Variants in COPG2 observed in about 807,000 individuals in gnomAD.
The protein encoded by COPG2 is coatomer subunit gamma-2.
A neutral mutation model predicts 46.3 loss-of-function variants in COPG2; 37 were observed. That is an observed-to-expected ratio of 0.80 (90% confidence interval 0.61 to 1.05). The LOEUF (loss-of-function observed/expected upper bound fraction) is 1.05, where lower values mean the gene tolerates loss of function less well. Ranked by LOEUF, COPG2 falls within the 50% of genes least tolerant of loss-of-function variation. The pLI, the probability that COPG2 is intolerant of heterozygous loss-of-function variation, is 0.00. For missense variants in COPG2, 427 were observed against 387.8 expected, an observed-to-expected ratio of 1.10 and a Z score of -0.85; for synonymous variants, 159 against 129.7, an observed-to-expected ratio of 1.23 and a Z score of -1.53.
intron 12 of COPG2, among the ~76,000 whole-genome samples, chr7:130,560,499 T>C (rs1793701446): frequency 1.3e-5 from 2 of 152,126 alleles, no homozygotes; most frequent in East Asian, 3.8e-4. Flanking sequence ...CTAAATTTCA[T>C]AGGAAATGCA....
At chr7:130,645,448 C>CT (rs1795577579) in intron 5 of COPG2, 3 of 368,862 alleles carry the variant, frequency 8.1e-6, no homozygotes, top group Non-Finnish European at 1.6e-5. Flanking sequence ...AAGATGATGT[C>CT]TTTCTCCAAC....
chr7:130,544,486 T>C (rs1793395612), intron 20 of COPG2, among the ~76,000 whole-genome samples: 1 of 152,168 alleles, frequency 6.6e-6, no homozygotes, highest in Admixed American at 6.5e-5. Context: ...TTAAAGACTG[T>C]TTTAAAATAA....
chr7:130,605,770 C>T, intron 9 of COPG2: 1 of 519,932 alleles, frequency 1.9e-6, no homozygotes, highest in Admixed American at 1.9e-5. Flanking sequence ...CAACAGCACT[C>T]CACCAACATC....
At chr7:130,528,407 G>A (rs1186989276) in intron 20 of COPG2, among the ~76,000 whole-genome samples, 1 of 152,116 alleles carries the variant, frequency 6.6e-6, no homozygotes, top group East Asian at 1.9e-4. Context: ...CCACTGGGAT[G>A]TGGACACTGA....
At chr7:130,633,674 G>A (rs782088715) in intron 5 of COPG2, among the ~76,000 whole-genome samples, 2 of 152,152 alleles carry the variant, frequency 1.3e-5, no homozygotes, top group Admixed American at 6.6e-5. Flanking sequence ...TAGGTTGCCT[G>A]TTCACTCTGA....
chr7:130,642,016 A>C (rs1554457382), intron 5 of COPG2, among the ~76,000 whole-genome samples: 1 of 152,190 alleles, frequency 6.6e-6, no homozygotes, highest in African/African-American at 2.4e-5. Flanking sequence ...AGTACTTCCT[A>C]ATGTGAGTGA....
chr7:130,523,044 C>T (rs1799737718), intron 20 of COPG2, among the ~76,000 whole-genome samples: 1 of 134,168 alleles, frequency 7.5e-6, no homozygotes, highest in East Asian at 2.4e-4. Flanking sequence ...GCTTGAAGTC[C>T]AGAGGTGAGG....
intron 9 of COPG2, chr7:130,610,621 C>T: frequency 1.9e-6 from 1 of 537,182 alleles, no homozygotes; most frequent in Non-Finnish European, 3.6e-6. Context: ...TCAACATTCT[C>T]TTTTATAAAA....
intron 5 of COPG2, among the ~76,000 whole-genome samples, chr7:130,639,951 C>T (rs1309084677): frequency 6.6e-6 from 1 of 151,858 alleles, no homozygotes; most frequent in East Asian, 1.9e-4. Flanking sequence ...GTGGCTTTTC[C>T]CCCACTCTTC....
chr7:130,595,271 A>C (rs1373593700), intron 9 of COPG2, among the ~76,000 whole-genome samples: 1 of 152,198 alleles, frequency 6.6e-6, no homozygotes, highest in Non-Finnish European at 1.5e-5. Flanking sequence ...AAGGCCACAT[A>C]TTGTGTGATT....
chr7:130,563,671 G>A (rs896829403), intron 10 of COPG2, among the ~76,000 whole-genome samples: 4 of 148,760 alleles, frequency 2.7e-5, no homozygotes, highest in Admixed American at 6.7e-5. Context: ...GAAGCATGGC[G>A]TGAACCCAGG....
chr7:130,515,842 A>ACAGGGAGAG lies in COPG2; in HGVS notation c.2150-7192_2150-7184dup, dbSNP rs1472012697. On this transcript the variant is annotated intron_variant, in intron 20 of 23. Coordinates refer to ENST00000425248, the MANE Select transcript of COPG2 (RefSeq NM_012133.6). ...GCATGACAGGATGAGGAATACTGGG[A>ACAGGGAGAG]CAGGGAGAGTAGCAACTCTGGTAGA... Among the ~76,000 whole-genome samples the ACAGGGAGAG allele has an allele frequency of 1.7e-3, 257 of 152,208 alleles. 2 individuals are homozygous for ACAGGGAGAG. Among genetic ancestry groups the ACAGGGAGAG allele is most frequent in the African/African-American group, 5.8e-3 (239 of 41,526 alleles).
chr7:130,533,845 T>A (rs1461893139), intron 20 of COPG2, among the ~76,000 whole-genome samples: 1 of 151,502 alleles, frequency 6.6e-6, no homozygotes, highest in Non-Finnish European at 1.5e-5. Context: ...GGATGGCTGG[T>A]GAAAGGGTCC....
chr7:130,532,485 AC>A (rs1414156546), intron 20 of COPG2, among the ~76,000 whole-genome samples: 4 of 151,828 alleles, frequency 2.6e-5, no homozygotes, highest in African/African-American at 9.7e-5. Flanking sequence ...TGACAGGAGC[AC>A]CCAGGTGGAG....
intron 9 of COPG2, among the ~76,000 whole-genome samples, chr7:130,600,830 C>T (rs148794667): frequency 6.6e-4 from 100 of 152,254 alleles, no homozygotes; most frequent in African/African-American, 2.4e-3. Flanking sequence ...TTCTAGCCAG[C>T]CTCCAAGATG....
At position 130,547,519 on chromosome 7, in the gene COPG2, T is replaced by C. The variant is rs1793463699; in HGVS notation, c.2149+155A>G. 11 of 396,292 alleles carry C rather than the reference T, an allele frequency of 2.8e-5. No homozygotes were observed. In the South Asian group the frequency reaches 1.1e-3, roughly 41 times the overall value. The allele number at this position is 396,292 out of a possible 1,614,324, so 24.5% of individuals were successfully genotyped here. A position where few individuals can be genotyped will look rare whatever the true frequency, so the allele number is the denominator to read the frequency against. Reference sequence around the variant, plus strand: ...GCAGCAGTAAACCATTTTATAAATATATATATTCACACACACACAAACACA... The same window carrying C: ...GCAGCAGTAAACCATTTTATAAATACATATATTCACACACACACAAACACA... On this transcript the variant is annotated intron_variant, in intron 20 of 23. Coordinates refer to ENST00000425248, the MANE Select transcript of COPG2 (RefSeq NM_012133.6).
chr7:130,591,974 G>A (rs1554449059), intron 9 of COPG2, among the ~76,000 whole-genome samples: 1 of 152,230 alleles, frequency 6.6e-6, no homozygotes, highest in Non-Finnish European at 1.5e-5. Context: ...GAAAGGCGGG[G>A]AAAAGATTGA....
At chr7:130,543,125 A>G (rs2116374200) in intron 20 of COPG2, among the ~76,000 whole-genome samples, 1 of 152,366 alleles carries the variant, frequency 6.6e-6, no homozygotes, top group East Asian at 1.9e-4. Context: ...GAAGGTCAGG[A>G]TTTTGAAAGC....
chr7:130,506,702 C>G lies in COPG2; in HGVS notation c.2590G>C (p.Asp864His), dbSNP rs782218945. Reference protein sequence around the residue: ...TVRSKERTPVDVILASVG With the variant: ...TVRSKERTPVHVILASVG Reference sequence around the variant, plus strand: ...TATCCAACAGAAGCTAAGATAACATCTACAGGTGTTCTCTCTTTACTTCTG... The same window carrying G: ...TATCCAACAGAAGCTAAGATAACATGTACAGGTGTTCTCTCTTTACTTCTG... Residue 864 changes from aspartate to histidine, a missense_variant, in exon 24 of 24, where the codon GAT (aspartate) becomes CAT (histidine). By Grantham distance (81) the Asp-to-His change is moderately conservative. Transcript: ENST00000425248. 1.3e-6 allele frequency: 1 copy of G among 780,398 alleles called. No homozygotes were observed. Among genetic ancestry groups the G allele is most frequent in the Non-Finnish European group, 2.4e-6 (1 of 417,636 alleles). The allele number at this position is 780,398 out of a possible 1,614,324, so 48.3% of individuals were successfully genotyped here. A position where few individuals can be genotyped will look rare whatever the true frequency, so the allele number is the denominator to read the frequency against.
Sources: gnomAD v4.1 joint callset for allele counts (sites outside exome capture counted in the v4.1 genomes callset) on GRCh38, gnomAD v4.1.1 for gene constraint, MANE v1.5 for transcripts, NCBI Gene and HGNC (gene_info 2026-07-23, HGNC 2026-07-21) for gene names.